The following NCKAP5 variants were observed in gnomAD, a reference collection of about 807,000 sequenced individuals.
NCKAP5 encodes nck-associated protein 5.
A neutral mutation model predicts 167.0 loss-of-function variants in NCKAP5; 92 were observed. That is an observed-to-expected ratio of 0.55 (90% CI 0.47 to 0.66). The LOEUF is 0.66. Ranked by LOEUF, NCKAP5 falls within the 30% of genes least tolerant of loss-of-function variation. The pLI, the probability that NCKAP5 is intolerant of heterozygous loss-of-function variation, is 0.00. For synonymous variants in NCKAP5, 891 were observed against 877.4 expected, an observed-to-expected ratio of 1.02 and a Z score of -0.27; for missense variants, 2,378 against 2,315.0, an observed-to-expected ratio of 1.03 and a Z score of -0.56.
chr2:133,013,765 C>CT (rs142989646), intron 6 of NCKAP5, among the ~76,000 whole-genome samples: 7,867 of 152,128 alleles, frequency 0.052, 615 homozygotes, highest in African/African-American at 0.17. Flanking sequence ...TCCTTGAACC[C>CT]TTTTTTTGTG....
intron 4 of NCKAP5, among the ~76,000 whole-genome samples, chr2:133,249,652 A>G (rs551618621): frequency 6.6e-5 from 10 of 152,244 alleles, no homozygotes; most frequent in Non-Finnish European, 1.5e-4. Flanking sequence ...CCTATGTGCC[A>G]GCTCTGTGAT....
At chr2:133,128,884 C>T (rs566722675) in intron 6 of NCKAP5, among the ~76,000 whole-genome samples, 2 of 152,050 alleles carry the variant, frequency 1.3e-5, no homozygotes, top group Admixed American at 6.5e-5. Context: ...AGGCGTGAAC[C>T]ACTGCGTCTG....
At chr2:132,846,801 G>C (rs1189743995) in intron 11 of NCKAP5, among the ~76,000 whole-genome samples, 1 of 152,192 alleles carries the variant, frequency 6.6e-6, no homozygotes, top group African/African-American at 2.4e-5. Context: ...GAAAGTGGCA[G>C]AATTGGATTA....
intron 1 of NCKAP5, among the ~76,000 whole-genome samples, chr2:133,563,569 A>T (rs1391890521): frequency 3.5e-5 from 3 of 86,954 alleles, no homozygotes; most frequent in African/African-American, 1.4e-4. Flanking sequence ...CTCCATAAAA[A>T]AAAAAAAAAA....
At chr2:132,699,686 T>A (rs1439822283) in intron 19 of NCKAP5, among the ~76,000 whole-genome samples, 1 of 152,228 alleles carries the variant, frequency 6.6e-6, no homozygotes, top group African/African-American at 2.4e-5. Flanking sequence ...TGCATAGTAT[T>A]CCATGGTGTA....
At chr2:133,000,574 A>G (rs1030896400) in intron 6 of NCKAP5, among the ~76,000 whole-genome samples, 8 of 152,220 alleles carry the variant, frequency 5.3e-5, no homozygotes, top group Non-Finnish European at 8.8e-5. Flanking sequence ...GATGTTCAAG[A>G]CAAACAAAAT....
intron 3 of NCKAP5, among the ~76,000 whole-genome samples, chr2:133,398,408 T>C (rs750047683): frequency 8.5e-5 from 13 of 152,174 alleles, no homozygotes; most frequent in Non-Finnish European, 1.8e-4. Flanking sequence ...GTTCTGCTCA[T>C]GTCTCTTAAA....
intron 4 of NCKAP5, among the ~76,000 whole-genome samples, chr2:133,235,405 C>A (rs1053221709): frequency 6.6e-5 from 10 of 151,988 alleles, no homozygotes; most frequent in Admixed American, 2.6e-4. Context: ...ATTAAAATGG[C>A]CCCCAATTAC....
chr2:132,893,584 T>C (rs1482821857), intron 8 of NCKAP5, among the ~76,000 whole-genome samples: 2 of 152,180 alleles, frequency 1.3e-5, no homozygotes, highest in East Asian at 3.9e-4. Context: ...TGATTCTACA[T>C]ACAAAGTTCA....
At chr2:133,485,258 A>C (rs527284276) in intron 3 of NCKAP5, among the ~76,000 whole-genome samples, 1 of 152,328 alleles carries the variant, frequency 6.6e-6, no homozygotes, top group East Asian at 1.9e-4. Flanking sequence ...ATGTTGAGAC[A>C]GTCACCATTT....
At chr2:132,741,202 T>C (rs1388134746) in intron 16 of NCKAP5, among the ~76,000 whole-genome samples, 1 of 152,106 alleles carries the variant, frequency 6.6e-6, no homozygotes, top group Non-Finnish European at 1.5e-5. Flanking sequence ...TTGGGAATGG[T>C]TATTGGTCTA....
chr2:133,074,354 C>A, intron 6 of NCKAP5, among the ~76,000 whole-genome samples: 1 of 129,570 alleles, frequency 7.7e-6, no homozygotes, highest in Admixed American at 7.8e-5. Context: ...TACCAAAAAA[C>A]CGAAAATTTA....
chr2:133,010,892 A>G (rs376046211), intron 6 of NCKAP5, among the ~76,000 whole-genome samples: 3 of 152,360 alleles, frequency 2.0e-5, no homozygotes, highest in South Asian at 4.1e-4. Context: ...AAGCAAGGAT[A>G]CTTGAGGGGA....
intron 2 of NCKAP5, among the ~76,000 whole-genome samples, chr2:133,542,257 C>G (rs902357420): frequency 6.6e-6 from 1 of 152,194 alleles, no homozygotes; most frequent in South Asian, 2.1e-4. Flanking sequence ...TCTCCACCTA[C>G]AGCTACGTAC....
chr2:132,795,342 C>G (rs1684491843), intron 12 of NCKAP5, among the ~76,000 whole-genome samples: 1 of 152,156 alleles, frequency 6.6e-6, no homozygotes, highest in Non-Finnish European at 1.5e-5. Context: ...GTATTAGCTT[C>G]TATTGCAACA....
At chr2:132,922,396 A>G (rs1236510860) in intron 8 of NCKAP5, among the ~76,000 whole-genome samples, 4 of 152,184 alleles carry the variant, frequency 2.6e-5, no homozygotes, top group Admixed American at 1.3e-4. Flanking sequence ...TGCCAGAGTC[A>G]ATGTCATAAA....
chr2:132,771,378 C>T (rs1381537555), intron 16 of NCKAP5, among the ~76,000 whole-genome samples: 1 of 151,974 alleles, frequency 6.6e-6, no homozygotes, highest in African/African-American at 2.4e-5. Context: ...TTTTGTGCAG[C>T]TCTACAATGT....
chr2:133,353,591 A>C (rs910954248), intron 3 of NCKAP5, among the ~76,000 whole-genome samples: 1 of 152,180 alleles, frequency 6.6e-6, no homozygotes, highest in Non-Finnish European at 1.5e-5. Flanking sequence ...TTTTGTACCC[A>C]AAAAGTTGCC....
chr2:132,746,950 G>A (rs1280097116), intron 16 of NCKAP5, among the ~76,000 whole-genome samples: 1 of 152,062 alleles, frequency 6.6e-6, no homozygotes, highest in African/African-American at 2.4e-5. Flanking sequence ...CAGACCAGTG[G>A]TTCCCTGGGA....
Sources: gnomAD v4.1 joint callset for allele counts (sites outside exome capture counted in the v4.1 genomes callset) on GRCh38, gnomAD v4.1.1 for gene constraint, MANE v1.5 for transcripts, NCBI Gene and HGNC (gene_info 2026-07-23, HGNC 2026-07-21) for gene names.